KANK1: variants seen among roughly 807,000 people sequenced by gnomAD.
KANK1 encodes KN motif and ankyrin repeat domain-containing protein 1.
KANK1 carries 109 observed loss-of-function variants against 106.2 expected under a neutral mutation model. The observed-to-expected ratio is 1.03, with a 90% CI of 0.88 to 1.20. KANK1 has a LOEUF of 1.20. KANK1 is among the 50% of genes most tolerant of loss of function. The probability of loss-of-function intolerance (pLI) is 0.00; values close to 1 mark genes in which losing one functional copy is unlikely to be tolerated. For missense variants in KANK1, 2,399 were observed against 1,710.7 expected, an observed-to-expected ratio of 1.40 and a Z score of -7.10; for synonymous variants, 873 against 652.2, an observed-to-expected ratio of 1.34 and a Z score of -5.16.
In KANK1 at chr9:505,803, A is replaced by T. The variant is rs558293862; in HGVS notation, c.-84+1049A>T. The stretch of plus-strand genomic sequence containing the variant: ...CTAATAAGGAAGCTTAATCATCCAG[A>T]TGTGTAATCGTGCAGTTCCTTTCCT... On this transcript the variant is annotated intron_variant, in intron 1 of 11. Transcript: ENST00000382297. 6.6e-5 allele frequency among the ~76,000 whole-genome samples: 10 copies of T among 152,264 alleles called. No homozygotes were observed. The South Asian group carries it at 1.9e-3, about 28-fold the overall frequency.
At chr9:633,693 C>A (rs886874989) in intron 1 of KANK1, among the ~76,000 whole-genome samples, 1 of 152,144 alleles carries the variant, frequency 6.6e-6, no homozygotes, top group African/African-American at 2.4e-5. Context: ...CGCTTTGTCA[C>A]CCAGGCTAGT....
intron 1 of KANK1, among the ~76,000 whole-genome samples, chr9:525,878 T>C: frequency 6.6e-6 from 1 of 151,034 alleles, no homozygotes; most frequent in Non-Finnish European, 1.5e-5. Flanking sequence ...TCACAGTTAG[T>C]TTTAAAAAAA....
At chr9:696,625 G>A (rs62531217) in intron 2 of KANK1, among the ~76,000 whole-genome samples, 27,217 of 151,972 alleles carry the variant, frequency 0.18, 2,823 homozygotes, top group Non-Finnish European at 0.23. Context: ...GTTTGGGGTG[G>A]GGAGGAACCT....
upstream of KANK1, among the ~76,000 whole-genome samples, chr9:500,841 C>A (rs544569830): frequency 6.6e-6 from 1 of 152,228 alleles, no homozygotes; most frequent in South Asian, 2.1e-4. Flanking sequence ...GAGGCCCTCA[C>A]AAAATCTGAA....
intron 2 of KANK1, among the ~76,000 whole-genome samples, chr9:678,649 C>T (rs889460908): frequency 2.0e-5 from 3 of 152,150 alleles, no homozygotes; most frequent in Non-Finnish European, 4.4e-5. Flanking sequence ...TGGCTGGAAC[C>T]TGGGAGGCAG....
At chr9:609,612 A>G (rs535457951) in intron 1 of KANK1, among the ~76,000 whole-genome samples, 277 of 152,286 alleles carry the variant, frequency 1.8e-3, no homozygotes, top group Non-Finnish European at 2.0e-3. Context: ...CCTGGGTGAC[A>G]AGAGTGAGAC....
At chr9:701,730 A>C (rs1414050013) in intron 2 of KANK1, among the ~76,000 whole-genome samples, 1 of 152,124 alleles carries the variant, frequency 6.6e-6, no homozygotes, top group Non-Finnish European at 1.5e-5. Context: ...GTTGAGAATC[A>C]CTGCAAGCAG....
chr9:644,110 A>G (rs1478020092), intron 1 of KANK1, among the ~76,000 whole-genome samples: 1 of 151,074 alleles, frequency 6.6e-6, no homozygotes, highest in Non-Finnish European at 1.5e-5. Flanking sequence ...GTTCTTCTAC[A>G]TTCAGTAGAA....
chr9:720,818 C>G (rs1829112540), intron 3 of KANK1, among the ~76,000 whole-genome samples: 2 of 152,144 alleles, frequency 1.3e-5, no homozygotes, highest in Admixed American at 1.3e-4. Context: ...GTTTTTATCC[C>G]TATTGTTCAG....
chr9:614,352 C>T (rs566373832), intron 1 of KANK1, among the ~76,000 whole-genome samples: 9 of 152,256 alleles, frequency 5.9e-5, no homozygotes, highest in Non-Finnish European at 1.3e-4. Context: ...GGATCTTTTA[C>T]CCATTTCCAT....
intron 1 of KANK1, among the ~76,000 whole-genome samples, chr9:614,097 G>T (rs1831220519): frequency 6.6e-6 from 1 of 152,180 alleles, no homozygotes; most frequent in African/African-American, 2.4e-5. Context: ...GGTCATGCCA[G>T]TGGCTGCAGG....
intron 1 of KANK1, among the ~76,000 whole-genome samples, chr9:577,106 A>G (rs1035241371): frequency 6.6e-6 from 1 of 152,196 alleles, no homozygotes; most frequent in Non-Finnish European, 1.5e-5. Flanking sequence ...AGACCCAAAG[A>G]CTGAGCAGCA....
chr9:706,051 A>G (rs1824066795), intron 2 of KANK1, among the ~76,000 whole-genome samples: 2 of 152,202 alleles, frequency 1.3e-5, no homozygotes, highest in Non-Finnish European at 2.9e-5. Context: ...AACATACACT[A>G]GAAAACAGGA....
intron 1 of KANK1, among the ~76,000 whole-genome samples, chr9:517,196 A>G (rs781138069): frequency 1.3e-5 from 2 of 151,726 alleles, no homozygotes; most frequent in African/African-American, 4.9e-5. Context: ...GCAACTTCCG[A>G]CGGTTCAAGC....
chr9:708,666 A>C (rs558114140), intron 2 of KANK1, among the ~76,000 whole-genome samples: 1 of 152,248 alleles, frequency 6.6e-6, no homozygotes, highest in African/African-American at 2.4e-5. Context: ...TGTCGGGTGT[A>C]AATGTTCGGC....
rs552790114 is a variant in KANK1 at position 742,404 on chromosome 9, A to T, written c.3896A>T (p.Asn1299Ile). 3 of 1,610,096 alleles carry T rather than the reference A, an allele frequency of 1.9e-6. No homozygotes were observed. Among genetic ancestry groups the T allele is most frequent in the East Asian group, 4.5e-5 (2 of 44,810 alleles). Residue 1299 changes from asparagine to isoleucine, a missense_variant and splice_region_variant, in exon 10 of 12, where the codon AAC (asparagine) becomes ATC (isoleucine). Transcript: ENST00000382297. ...QPGCNGHLED[N>I]DGSTALSIAL... ...GGCTGCAACGGTCACCTAGAGGACA[A>T]CGTAAGCTGTCTCCATTGGGCCTCC...
At chr9:502,528 C>CT (rs61692364), upstream of KANK1, among the ~76,000 whole-genome samples, 1,817 of 132,138 alleles carry the variant, frequency 0.014, 39 homozygotes, top group African/African-American at 0.048. Context: ...ATGGAGAGCA[C>CT]TTTTTTTTTT....
chr9:607,949 G>A (rs939290280), intron 1 of KANK1, among the ~76,000 whole-genome samples: 4 of 150,436 alleles, frequency 2.7e-5, no homozygotes, highest in Non-Finnish European at 4.4e-5. Flanking sequence ...CTCTGTGTGT[G>A]TGTATGTGTA....
chr9:491,908 G>T (rs1270921956), intron 3 of KANK1, among the ~76,000 whole-genome samples: 1 of 152,170 alleles, frequency 6.6e-6, no homozygotes, highest in East Asian at 1.9e-4. Context: ...CCCTCTCTTT[G>T]CCTGGTGCCA....
Sources: allele counts gnomAD v4.1 joint callset (sites outside exome capture counted in the v4.1 genomes callset), GRCh38; gene constraint gnomAD v4.1.1; transcripts MANE v1.5; gene names NCBI Gene and HGNC (gene_info 2026-07-23, HGNC 2026-07-21).